The following ADRA1D variants were observed in gnomAD, a reference collection of about 807,000 sequenced individuals.
The protein encoded by ADRA1D is alpha-1D adrenergic receptor.
ADRA1D carries 22 observed loss-of-function variants against 18.6 expected under a neutral mutation model. The observed-to-expected ratio is 1.19, with a 90% CI of 0.85 to 1.69. The LOEUF is 1.69. Among genes scored for constraint, ADRA1D ranks in the 40% most tolerant of loss-of-function variants. ADRA1D has a pLI of 0.00. For synonymous variants in ADRA1D, 376 were observed against 388.2 expected, an observed-to-expected ratio of 0.97 and a Z score of 0.37; for missense variants, 840 against 840.7, an observed-to-expected ratio of 1.00 and a Z score of 0.01.
intron 1 of ADRA1D, among the ~76,000 whole-genome samples, chr20:4,225,024 T>C (rs1980762836): frequency 7.0e-6 from 1 of 143,758 alleles, no homozygotes; most frequent in South Asian, 2.2e-4. Flanking sequence ...TTTAAATAGA[T>C]GGAGTCTCGC....
chr20:4,234,965 G>A (rs1981055195), intron 1 of ADRA1D, among the ~76,000 whole-genome samples: 2 of 152,130 alleles, frequency 1.3e-5, no homozygotes, highest in South Asian at 2.1e-4. Context: ...CATTTTGAAG[G>A]GGACACAGTC....
intron 1 of ADRA1D, among the ~76,000 whole-genome samples, chr20:4,228,537 A>T (rs966798843): frequency 2.0e-5 from 3 of 152,238 alleles, no homozygotes; most frequent in Non-Finnish European, 2.9e-5. Context: ...CGGTGTGAGG[A>T]GTTTAGCCTT....
At chr20:4,247,685 A>G (rs1182078114) in intron 1 of ADRA1D, among the ~76,000 whole-genome samples, 162 bp downstream of exon 1, 1 of 152,202 alleles carries the variant, frequency 6.6e-6, no homozygotes, top group African/African-American at 2.4e-5. Flanking sequence ...GTTCCTTGGC[A>G]CTCCACAAAA....
At position 4,248,467 on chromosome 20, in the gene ADRA1D, A is replaced by AAGGCCCAG; in HGVS notation, c.483_490dup (p.Phe164SerfsTer48). ...CCATACGTCGCAGAAGGCGCGGCCA[A>AAGGCCCAG]AGGCCCAGAAGCCCAGAACCTCCAT... On this transcript the variant is annotated frameshift_variant, in exon 1 of 2. Transcript: ENST00000379453. LOFTEE classifies it high-confidence loss of function. The AAGGCCCAG allele has an allele frequency of 6.2e-7, 1 of 1,613,184 alleles. No homozygotes were observed. The highest frequency in any genetic ancestry group is 8.5e-7 in the Non-Finnish European group (1 of 1,179,690).
At chr20:4,228,761 C>T (rs1600846838) in intron 1 of ADRA1D, among the ~76,000 whole-genome samples, 1 of 152,234 alleles carries the variant, frequency 6.6e-6, no homozygotes, top group Non-Finnish European at 1.5e-5. Context: ...GAAGGGATCG[C>T]TCCTCCTACC....
In ADRA1D at chr20:4,244,197, A is replaced by G. The variant is rs142807048; in HGVS notation, c.1111+3650T>C. Among the ~76,000 whole-genome samples the G allele has an allele frequency of 5.6e-3, 856 of 152,242 alleles. 2 individuals carry two copies. The highest frequency in any genetic ancestry group is 9.1e-3 in the Non-Finnish European group (622 of 68,012). On this transcript the variant is annotated intron_variant, in intron 1 of 1. Transcript: ENST00000379453. The stretch of plus-strand genomic sequence containing the variant: ...GGCTTTGTGTGCGGAAGTGTGAGTG[A>G]GGGCACCCCAGGTCTGCTGTGGCCC...
At chr20:4,223,546 T>G (rs1980723157) in intron 1 of ADRA1D, among the ~76,000 whole-genome samples, 1 of 152,084 alleles carries the variant, frequency 6.6e-6, no homozygotes. Context: ...ATAAATATCT[T>G]TGAGATGCAG....
intron 1 of ADRA1D, among the ~76,000 whole-genome samples, chr20:4,237,863 G>T (rs369924247): frequency 2.6e-5 from 2 of 75,914 alleles, no homozygotes; most frequent in Admixed American, 1.3e-4. Context: ...TATTTATTTA[G>T]TAGAGACGGG....
In ADRA1D at chr20:4,248,256, G is replaced by A. The variant is rs1361815508; in HGVS notation, c.702C>T (p.Gly234=). The part of the protein sequence containing the change: ...ALVVSVGPLL[G]WKEPVPPDER... ...CGTCAGGGGGCACGGGCTCCTTCCAGCCCAGCAGGGGCCCTACGGACACCA... is the reference window on the plus strand; with the variant it reads ...CGTCAGGGGGCACGGGCTCCTTCCAACCCAGCAGGGGCCCTACGGACACCA... Residue 234 remains glycine (G), a synonymous_variant, in exon 1 of 2, where the codon GGC becomes GGT. Coordinates refer to ENST00000379453, the MANE Select transcript of ADRA1D (RefSeq NM_000678.4). 3.1e-6 allele frequency: 5 copies of A among 1,608,026 alleles called. No individual in the cohort carries two copies. In the African/African-American group the frequency reaches 4.0e-5, roughly 13 times the overall value.
intron 1 of ADRA1D, among the ~76,000 whole-genome samples, chr20:4,232,124 G>C (rs1191176073): frequency 6.6e-6 from 1 of 152,200 alleles, no homozygotes; most frequent in Non-Finnish European, 1.5e-5. Context: ...ATGTTGGCCA[G>C]GTTGGTCTTA....
At chr20:4,242,231 G>A (rs998984569) in intron 1 of ADRA1D, among the ~76,000 whole-genome samples, 5 of 152,202 alleles carry the variant, frequency 3.3e-5, no homozygotes, top group African/African-American at 1.2e-4. Context: ...ATTCATCCAT[G>A]TGTGCATCAG....
chr20:4,227,688 C>CCTTCCTTCCT, intron 1 of ADRA1D, among the ~76,000 whole-genome samples: 1 of 30,338 alleles, frequency 3.3e-5, no homozygotes, highest in Non-Finnish European at 6.1e-5. Context: ...CCTTCCCTCT[C>CCTTCCTTCCT]TCCCTCCCTC....
At chr20:4,244,808 C>T (rs990351968) in intron 1 of ADRA1D, among the ~76,000 whole-genome samples, 9 of 152,196 alleles carry the variant, frequency 5.9e-5, no homozygotes, top group Non-Finnish European at 1.3e-4. Flanking sequence ...TGGGGCAGAT[C>T]GGAATATTTT....
chr20:4,221,555 C>A lies in ADRA1D; in HGVS notation c.1687G>T (p.Asp563Tyr), dbSNP rs762282208. 3.4e-5 allele frequency: 54 copies of A among 1,611,852 alleles called. 1 individual carries two copies. In the South Asian group the frequency reaches 5.5e-4, roughly 16 times the overall value. Residue 563 changes from aspartate to tyrosine, a missense_variant, in exon 2 of 2, where the codon GAC becomes TAC. Coordinates refer to ENST00000379453, the MANE Select transcript of ADRA1D (RefSeq NM_000678.4). ...GATCQAYELA[D>Y]YSNLRETDI Reference sequence around the variant, plus strand: ...TCGGTCTCCCGTAGGTTGCTGTAGTCGGCCAATTCGTAGGCCTGGCAGGTG... The same window carrying A: ...TCGGTCTCCCGTAGGTTGCTGTAGTAGGCCAATTCGTAGGCCTGGCAGGTG...
intron 1 of ADRA1D, among the ~76,000 whole-genome samples, chr20:4,230,521 G>A (rs766779238): frequency 2.2e-4 from 34 of 152,278 alleles, no homozygotes; most frequent in Non-Finnish European, 4.0e-4. Flanking sequence ...CTTAGGTGGC[G>A]GCAGCAGCCC....
intron 1 of ADRA1D, among the ~76,000 whole-genome samples, chr20:4,229,529 T>C (rs1327651619): frequency 6.6e-6 from 1 of 152,142 alleles, no homozygotes; most frequent in African/African-American, 2.4e-5. Context: ...AGTAAAGAGC[T>C]GAATGAAGTG....
chr20:4,232,906 G>C (rs1028553216), intron 1 of ADRA1D, among the ~76,000 whole-genome samples: 5 of 152,176 alleles, frequency 3.3e-5, no homozygotes, highest in Admixed American at 2.0e-4. Context: ...ATCCCTGTGG[G>C]GTCGGGCTAA....
chr20:4,244,627 C>T (rs1485851198), intron 1 of ADRA1D, among the ~76,000 whole-genome samples: 1 of 152,224 alleles, frequency 6.6e-6, no homozygotes, highest in Non-Finnish European at 1.5e-5. Context: ...AAAGTTGCTG[C>T]TCAGTGTTCC....
chr20:4,234,743 G>A (rs1167836526), intron 1 of ADRA1D, among the ~76,000 whole-genome samples: 1 of 152,220 alleles, frequency 6.6e-6, no homozygotes, highest in Non-Finnish European at 1.5e-5. Flanking sequence ...GGGTCAGCGA[G>A]CCTCTCTAAT....
Sources: gnomAD v4.1 joint callset for allele counts (sites outside exome capture counted in the v4.1 genomes callset) on GRCh38, gnomAD v4.1.1 for gene constraint, MANE v1.5 for transcripts, NCBI Gene and HGNC (gene_info 2026-07-23, HGNC 2026-07-21) for gene names.